The following ATG7 variants were observed in gnomAD, a reference collection of about 807,000 sequenced individuals.
The protein encoded by ATG7 is ubiquitin-like modifier-activating enzyme ATG7.
ATG7 carries 70 observed loss-of-function variants against 82.4 expected under a neutral mutation model. The observed-to-expected ratio is 0.85, with a 90% CI of 0.70 to 1.04. ATG7 has a LOEUF of 1.04. Among genes scored for constraint, ATG7 ranks in the 50% least tolerant of loss-of-function variants. The pLI is 0.00. For missense variants in ATG7, 792 were observed against 864.3 expected (o/e 0.92, Z 1.05); for synonymous variants, 287 against 313.0 (o/e 0.92, Z 0.88).
At chr3:11,275,909 C>T (rs1197871779) in intron 1 of ATG7, among the ~76,000 whole-genome samples, 2 of 152,160 alleles carry the variant, frequency 1.3e-5, no homozygotes, top group Non-Finnish European at 2.9e-5. Context: ...GTCAGCCTCT[C>T]TTTGAGTGTG....
At chr3:11,498,983 G>C (rs766094459) in intron 20 of ATG7, among the ~76,000 whole-genome samples, 15 of 152,154 alleles carry the variant, frequency 9.9e-5, no homozygotes, top group South Asian at 6.2e-4. Context: ...GGTCCCTGGT[G>C]CTCCTAGAGT....
At chr3:11,444,660 A>G (rs887380606) in intron 20 of ATG7, among the ~76,000 whole-genome samples, 1 of 152,214 alleles carries the variant, frequency 6.6e-6, no homozygotes, top group African/African-American at 2.4e-5. Flanking sequence ...ACATAGGAAC[A>G]GGCAAAAATT....
At chr3:11,378,284 T>C (rs2077585489) in intron 18 of ATG7, among the ~76,000 whole-genome samples, 1 of 150,928 alleles carries the variant, frequency 6.6e-6, no homozygotes, top group Admixed American at 6.6e-5. Context: ...CCCAAAGTGC[T>C]AGGAGTACAG....
intron 19 of ATG7, among the ~76,000 whole-genome samples, chr3:11,417,800 A>ATTTTTTTT (rs1314378737): frequency 1.6e-4 from 18 of 109,366 alleles, no homozygotes; most frequent in East Asian, 3.0e-4. Context: ...TATTATTATT[A>ATTTTTTTT]TTTTATTTTA....
At chr3:11,371,259 T>C (rs2076975836) in intron 18 of ATG7, among the ~76,000 whole-genome samples, 1 of 150,984 alleles carries the variant, frequency 6.6e-6, no homozygotes, top group Non-Finnish European at 1.5e-5. Flanking sequence ...GAGAAGTAAG[T>C]GCTTTAGCAG....
chr3:11,485,464 G>T (rs2089514318), intron 20 of ATG7, among the ~76,000 whole-genome samples: 1 of 152,156 alleles, frequency 6.6e-6, no homozygotes, highest in African/African-American at 2.4e-5. Flanking sequence ...TGAGTAGGTT[G>T]TGAAAATTTT....
intron 19 of ATG7, among the ~76,000 whole-genome samples, chr3:11,410,050 C>A (rs1297130998): frequency 2.0e-5 from 3 of 152,130 alleles, no homozygotes; most frequent in Non-Finnish European, 4.4e-5. Flanking sequence ...TTATCTGGGT[C>A]TTTTGCCTCC....
At chr3:11,320,373 G>A (rs1003952552) in intron 9 of ATG7, among the ~76,000 whole-genome samples, 3 of 151,456 alleles carry the variant, frequency 2.0e-5, no homozygotes, top group African/African-American at 7.3e-5. Context: ...TGCAACCTCC[G>A]CCTCCTGGGT....
chr3:11,303,964 G>A (rs938161158), intron 5 of ATG7, among the ~76,000 whole-genome samples: 4 of 150,184 alleles, frequency 2.7e-5, no homozygotes, highest in South Asian at 2.1e-4. Flanking sequence ...GGTGGCGGGC[G>A]CCTGTAGTCC....
At chr3:11,415,213 G>T (rs1479114977) in intron 19 of ATG7, among the ~76,000 whole-genome samples, 1 of 152,132 alleles carries the variant, frequency 6.6e-6, no homozygotes, top group East Asian at 1.9e-4. Context: ...TGGTATAAAA[G>T]ATTTTTTTAA....
At chr3:11,528,523 A>T (rs1376531445) in intron 20 of ATG7, among the ~76,000 whole-genome samples, 1 of 152,140 alleles carries the variant, frequency 6.6e-6, no homozygotes, top group African/African-American at 2.4e-5. Flanking sequence ...ACAATACAAA[A>T]TGCATATAGA....
chr3:11,460,497 C>G (rs1038322325), intron 20 of ATG7, among the ~76,000 whole-genome samples: 3 of 152,198 alleles, frequency 2.0e-5, no homozygotes, highest in African/African-American at 7.2e-5. Context: ...AGAGCGTTGC[C>G]TTTGCCAGCC....
chr3:11,546,042 G>A (rs1159428421), intron 20 of ATG7, among the ~76,000 whole-genome samples: 2 of 149,872 alleles, frequency 1.3e-5, no homozygotes, highest in East Asian at 2.0e-4. Flanking sequence ...GGAGGCTGAG[G>A]TAGGAGGATT....
At position 11,356,208 on chromosome 3, in the gene ATG7, T is replaced by C. The variant is rs796403811; in HGVS notation, c.1285-2210T>C. ...GTTCTGGCGTCATGAAAATGTTCTA[T>C]ATCTTGATAGCTGTATGCAGTGGTT... On this transcript the variant is annotated intron_variant, in intron 14 of 20. Coordinates refer to ENST00000693202, the MANE Select transcript of ATG7 (RefSeq NM_001349232.2). Among the ~76,000 whole-genome samples, 8 of 152,340 alleles carry C rather than the reference T, an allele frequency of 5.3e-5. 1 individual carries two copies. Among genetic ancestry groups the C allele is most frequent in the African/African-American group, 1.9e-4 (8 of 41,578 alleles).
intron 20 of ATG7, among the ~76,000 whole-genome samples, chr3:11,524,732 A>C (rs1363715727): frequency 1.3e-5 from 2 of 152,178 alleles, no homozygotes; most frequent in Non-Finnish European, 2.9e-5. Context: ...GGCTGCAGTG[A>C]ATTATGATCA....
chr3:11,544,508 G>A (rs575944890), intron 20 of ATG7, among the ~76,000 whole-genome samples: 43 of 152,232 alleles, frequency 2.8e-4, no homozygotes, highest in Non-Finnish European at 5.7e-4. Flanking sequence ...CCAACCCACA[G>A]TGAGGCCAGG....
chr3:11,335,239 C>CT lies in ATG7; in HGVS notation c.889+2148dup, dbSNP rs777615639. Among the ~76,000 whole-genome samples the CT allele has an allele frequency of 7.8e-4, 118 of 152,182 alleles. 1 individual carries two copies. Among genetic ancestry groups the CT allele is most frequent in the Middle Eastern group, 6.8e-3 (2 of 294 alleles). On this transcript the variant is annotated intron_variant, in intron 11 of 20. Transcript: ENST00000693202. ...TAAAATAGCTCCTGTGTAATGTTAA[C>CT]TTACATGCTATACCTTTGTTTTATT...
intron 20 of ATG7, among the ~76,000 whole-genome samples, chr3:11,454,999 C>A (rs972575812): frequency 1.3e-5 from 2 of 152,102 alleles, no homozygotes; most frequent in African/African-American, 4.8e-5. Flanking sequence ...GGAAAGATAG[C>A]CTGACTTACT....
intron 20 of ATG7, among the ~76,000 whole-genome samples, chr3:11,514,341 G>A (rs1319821233): frequency 6.6e-6 from 1 of 152,158 alleles, no homozygotes; most frequent in African/African-American, 2.4e-5. Context: ...TTTGAAGATG[G>A]GCGTTTGCAA....
Sources: allele counts gnomAD v4.1 joint callset (sites outside exome capture counted in the v4.1 genomes callset), GRCh38; gene constraint gnomAD v4.1.1; transcripts MANE v1.5; gene names NCBI Gene and HGNC (gene_info 2026-07-23, HGNC 2026-07-21).